The following CEP78 variants were observed in gnomAD, a reference collection of about 807,000 sequenced individuals.
CEP78 encodes the protein centrosomal protein 78.
CEP78 carries 76 observed loss-of-function variants against 81.2 expected under a neutral mutation model. The ratio of observed to expected loss-of-function variants is 0.94; its 90% CI spans 0.78 to 1.13. The LOEUF (loss-of-function observed/expected upper bound fraction) is 1.13. Ranked by LOEUF, CEP78 falls within the 50% of genes most tolerant of loss-of-function variation. The probability of loss-of-function intolerance (pLI) is 0.00; values close to 1 mark genes in which losing one functional copy is unlikely to be tolerated. For missense variants in CEP78, 918 were observed against 846.8 expected, an observed-to-expected ratio of 1.08 and a Z score of -1.04; for synonymous variants, 293 against 301.4, an observed-to-expected ratio of 0.97 and a Z score of 0.29.
At chr9:78,256,625 C>T (rs1157266876) in intron 11 of CEP78, among the ~76,000 whole-genome samples, 2 of 149,234 alleles carry the variant, frequency 1.3e-5, no homozygotes, top group South Asian at 2.1e-4. Flanking sequence ...CTCCGCCTTC[C>T]GGGTTCACGC....
intron 1 of CEP78, 99 bp downstream of exon 1, chr9:78,236,702 G>C: frequency 7.0e-7 from 1 of 1,435,906 alleles, no homozygotes; most frequent in South Asian, 1.5e-5. Flanking sequence ...AATAGAAGGG[G>C]TGTGCGGCCT....
chr9:78,270,355 A>G (rs1827664214), intron 16 of CEP78, among the ~76,000 whole-genome samples: 1 of 152,226 alleles, frequency 6.6e-6, no homozygotes, highest in African/African-American at 2.4e-5. Context: ...AATATATACA[A>G]TTTTAGCCCT....
chr9:78,250,731 T>A (rs1826719027), intron 8 of CEP78, among the ~76,000 whole-genome samples: 1 of 152,150 alleles, frequency 6.6e-6, no homozygotes, highest in African/African-American at 2.4e-5. Context: ...AGAGCGAGAC[T>A]CTTGTCTCCA....
intron 5 of CEP78, among the ~76,000 whole-genome samples, chr9:78,243,921 GC>G (rs2118176325): frequency 6.6e-6 from 1 of 151,324 alleles, no homozygotes; most frequent in African/African-American, 2.4e-5. Context: ...ACATTTGTGT[GC>G]TTAGAGTTAC....
At chr9:78,266,829 A>G (rs1827564969) in intron 16 of CEP78, 126 bp downstream of exon 16, 4 of 1,470,652 alleles carry the variant, frequency 2.7e-6, no homozygotes, top group African/African-American at 2.8e-5. Flanking sequence ...TAATGAACCA[A>G]TTAAAAGTAG....
intron 4 of CEP78, among the ~76,000 whole-genome samples, chr9:78,242,971 T>C (rs1301435720): frequency 6.6e-6 from 1 of 152,138 alleles, no homozygotes; most frequent in East Asian, 1.9e-4. Context: ...AAAATACCTA[T>C]TGTTTCTGTT....
chr9:78,239,076 G>T (rs1210457512), intron 1 of CEP78, among the ~76,000 whole-genome samples: 1 of 151,604 alleles, frequency 6.6e-6, no homozygotes, highest in Non-Finnish European at 1.5e-5. Flanking sequence ...TAGCCTACTA[G>T]ATCTTGCCTA....
rs1827786654 is a variant in CEP78 at position 78,275,625 on chromosome 9, A to AG, written c.*4774_*4775insG. 1 of 150,076 alleles carries AG rather than the reference A, an allele frequency of 6.7e-6. No homozygotes were observed. Among genetic ancestry groups the AG allele is most frequent in the Non-Finnish European group, 1.5e-5 (1 of 67,612 alleles). The allele number at this position is 150,076 out of a possible 1,614,324, so 9.3% of individuals were successfully genotyped here. On this transcript the variant is annotated 3_prime_UTR_variant, in exon 17 of 17. Transcript: ENST00000643273. ...TGTCTCCAAAAAAAAAAAAAAAAAAATACAGTTAGAAAAACTTTAAAGGGG... is the reference window on the plus strand; with the variant it reads ...TGTCTCCAAAAAAAAAAAAAAAAAAAGTACAGTTAGAAAAACTTTAAAGGGG...
chr9:78,262,135 ACT>A (rs1827303187), intron 11 of CEP78, among the ~76,000 whole-genome samples: 2 of 151,806 alleles, frequency 1.3e-5, no homozygotes, highest in South Asian at 2.1e-4. Flanking sequence ...CCATTCATTA[ACT>A]CTGGTTAAGA....
chr9:78,248,909 G>A (rs1179951346), intron 8 of CEP78, 36 bp downstream of exon 8: 1 of 964,012 alleles, frequency 1.0e-6, no homozygotes, highest in South Asian at 1.5e-5. Context: ...AATGCTACTA[G>A]TGTTCTAGTG....
chr9:78,266,797 C>T (rs375518544), intron 16 of CEP78, 94 bp downstream of exon 16: 1 of 1,522,660 alleles, frequency 6.6e-7, no homozygotes, highest in East Asian at 2.3e-5. Context: ...AGCAAAGAAA[C>T]TAGGGAAACT....
intron 8 of CEP78, among the ~76,000 whole-genome samples, chr9:78,251,143 A>T (rs866308672): frequency 3.5e-4 from 53 of 152,328 alleles, no homozygotes; most frequent in African/African-American, 1.0e-3. Flanking sequence ...TTACTACCAA[A>T]TATTTCTTTA....
chr9:78,263,051 C>G, intron 12 of CEP78, 67 bp downstream of exon 12: 1 of 793,196 alleles, frequency 1.3e-6, no homozygotes, highest in Non-Finnish European at 2.0e-6. Flanking sequence ...TTAAGTCATA[C>G]ATACACACAC....
At chr9:78,266,879 A>G (rs1209744231) in intron 16 of CEP78, 176 bp downstream of exon 16, 10 of 1,436,768 alleles carry the variant, frequency 7.0e-6, no homozygotes, top group Non-Finnish European at 8.2e-6. Flanking sequence ...AAGAAAATAG[A>G]ATAGTGACTG....
chr9:78,236,663 A>T, intron 1 of CEP78, 60 bp downstream of exon 1: 1 of 1,502,876 alleles, frequency 6.7e-7, no homozygotes, highest in Non-Finnish European at 8.9e-7. Flanking sequence ...TTTTTAGGTG[A>T]GTGGTGTCCA....
Position 78,240,023 on chromosome 9 carries a change from G to A in CEP78, c.254G>A (p.Gly85Asp), listed in dbSNP as rs1826145974. 3 of 1,566,094 alleles carry A rather than the reference G, an allele frequency of 1.9e-6. No homozygotes were observed. Among genetic ancestry groups the A allele is most frequent in the Admixed American group, 2.3e-5 (1 of 44,386 alleles). ...TAACTTTCTTTTATCTTTGTTTTAG[G>A]TTCTGACATGAATAAATTTTGCAGA... ...SFFQPWLGDT[G>D]SDMNKFCRSR... The change falls in exon 2 of 17, where the codon GGT becomes GAT. Residue 85 changes from glycine to aspartate, a missense_variant and splice_region_variant. Transcript: ENST00000643273.
intron 16 of CEP78, among the ~76,000 whole-genome samples, chr9:78,268,857 C>T (rs1439308076): frequency 2.0e-5 from 3 of 151,926 alleles, no homozygotes; most frequent in Non-Finnish European, 4.4e-5. Flanking sequence ...GGGGTTTCAC[C>T]GTGTTAGCCA....
rs536280257 is a variant in CEP78 at position 78,251,654 on chromosome 9, T to G, written c.1070-254T>G. The stretch of plus-strand genomic sequence containing the variant: ...TATTCAACTTATATTTTAGTTAAAG[T>G]GATAACTTGTTACTCTAGACAACTT... On this transcript the variant is annotated intron_variant, in intron 8 of 16. Coordinates refer to ENST00000643273, the MANE Select transcript of CEP78 (RefSeq NM_001330691.3). Among the ~76,000 whole-genome samples the G allele has an allele frequency of 1.5e-3, 229 of 151,944 alleles. 3 individuals carry two copies. Among genetic ancestry groups the G allele is most frequent in the Non-Finnish European group, 1.1e-3 (76 of 67,942 alleles).
chr9:78,236,790 G>A (rs995631675), intron 1 of CEP78, 187 bp downstream of exon 1: 3 of 666,038 alleles, frequency 4.5e-6, no homozygotes, highest in Admixed American at 7.5e-5. Context: ...GCTTAATAAC[G>A]AGACCCAGGT....
Sources: gnomAD v4.1 joint callset for allele counts (sites outside exome capture counted in the v4.1 genomes callset) on GRCh38, gnomAD v4.1.1 for gene constraint, MANE v1.5 for transcripts, NCBI Gene and HGNC (gene_info 2026-07-23, HGNC 2026-07-21) for gene names.